Variants in ACADS observed in about 807,000 individuals in gnomAD.
The protein encoded by ACADS is acyl-CoA dehydrogenase short chain.
Under a neutral mutation model 46.8 loss-of-function variants are expected in ACADS, and 28 were observed. The ratio of observed to expected loss-of-function variants is 0.60; its 90% CI spans 0.44 to 0.82. The LOEUF is 0.82. ACADS is among the 40% of genes least tolerant of loss of function. The pLI, the probability that ACADS is intolerant of heterozygous loss-of-function variation, is 0.00. For missense variants in ACADS, 528 were observed against 578.0 expected (o/e 0.91, Z 0.89); for synonymous variants, 236 against 237.7 (o/e 0.99, Z 0.07).
chr12:120,732,071 A>G (rs564854315), intron 2 of ACADS, among the ~76,000 whole-genome samples: 19 of 152,326 alleles, frequency 1.2e-4, no homozygotes, highest in African/African-American at 3.8e-4. Context: ...CGATTTCTCA[A>G]TCTTTTCCCC....
Position 120,728,092 on chromosome 12 carries a change from G to A in ACADS, c.210+903G>A, listed in dbSNP as rs532584061. ...GCCCCCAGTAGCTGGGATTACAGGCGGGCACCACCACGCCCAGCTAGTTTT... is the reference window on the plus strand; with the variant it reads ...GCCCCCAGTAGCTGGGATTACAGGCAGGCACCACCACGCCCAGCTAGTTTT... On this transcript the variant is annotated intron_variant, in intron 2 of 9. Transcript: ENST00000242592. The surrounding 1 kb of genome is among the most constrained non-coding windows in gnomAD (Gnocchi z 4.0). Among the ~76,000 whole-genome samples the A allele has an allele frequency of 6.6e-5, 10 of 152,132 alleles. No homozygotes were observed. The highest frequency in any genetic ancestry group is 1.9e-4 in the East Asian group (1 of 5,160).
rs1883157784 is a variant in ACADS, at chr12:120,728,550, G to A, written c.210+1361G>A. On this transcript the variant is annotated intron_variant, in intron 2 of 9. Transcript: ENST00000242592. The surrounding 1 kb of genome is among the most constrained non-coding windows in gnomAD (Gnocchi z 4.0). ...TGAGACAGTCTTGCTCTGTCACCAGGTTGGAGTGCAGTGGCGCGATCTCGG... is the reference window on the plus strand; with the variant it reads ...TGAGACAGTCTTGCTCTGTCACCAGATTGGAGTGCAGTGGCGCGATCTCGG... Among the ~76,000 whole-genome samples, 5 of 151,222 alleles carry A rather than the reference G, an allele frequency of 3.3e-5. 1 individual carries two copies. In the South Asian group the frequency reaches 1.0e-3, roughly 32 times the overall value.
intron 6 of ACADS, 34 bp from the exon 7 acceptor site, chr12:120,738,499 G>A: frequency 6.2e-7 from 1 of 1,605,748 alleles, no homozygotes; most frequent in Non-Finnish European, 8.5e-7. Flanking sequence ...CCGCGCCCCG[G>A]CTGGCGGGCC....
Position 120,727,699 on chromosome 12 carries a change from G to A in ACADS, c.210+510G>A, listed in dbSNP as rs1014236017. Among the ~76,000 whole-genome samples the A allele has an allele frequency of 4.6e-5, 7 of 152,028 alleles. No homozygotes were observed. In the South Asian group the frequency reaches 1.0e-3, roughly 22 times the overall value. ...TTATAGGCGTGCACTGCTCTGCCCC[G>A]CTACTTTTGTATTTTTAGTAAAGAC... On this transcript the variant is annotated intron_variant, in intron 2 of 9. Coordinates refer to ENST00000242592, the MANE Select transcript of ACADS (RefSeq NM_000017.4).
At chr12:120,736,763 G>A (rs1224255675) in intron 2 of ACADS, among the ~76,000 whole-genome samples, 1 of 152,190 alleles carries the variant, frequency 6.6e-6, no homozygotes, top group Non-Finnish European at 1.5e-5. Context: ...GGGAGCAGGC[G>A]TGGAGGCGGG....
chr12:120,737,366 T>C lies in ACADS; in HGVS notation c.371T>C (p.Leu124Pro). Residue 124 changes from leucine to proline, a missense_variant, in exon 4 of 10, where the codon CTG (leucine) becomes CCG (proline). Coordinates refer to ENST00000242592, the MANE Select transcript of ACADS (RefSeq NM_000017.4). ...CCGCTGTCCTCCTAGTCTCTCTACC[T>C]GGGGCCCATCTTGAAGTTTGGCTCC... ...VIMSVNNSLY[L>P]GPILKFGSKE... 1 of 1,614,016 alleles carries C rather than the reference T, an allele frequency of 6.2e-7. No individual in the cohort carries two copies. Among genetic ancestry groups the C allele is most frequent in the Non-Finnish European group, 8.5e-7 (1 of 1,179,988 alleles).
chr12:120,738,127 C>T, intron 5 of ACADS, 139 bp downstream of exon 5: 2 of 1,567,578 alleles, frequency 1.3e-6, no homozygotes, highest in South Asian at 1.1e-5. Flanking sequence ...TCAGCTGCCA[C>T]TGAAGCCTGC....
At position 120,738,574 on chromosome 12, in the gene ACADS, C is replaced by T; in HGVS notation, c.837C>T (p.Ala279=). The change falls in exon 7 of 10, where the codon GCC becomes GCT. Residue 279 remains alanine (A), a synonymous_variant. Coordinates refer to ENST00000242592, the MANE Select transcript of ACADS (RefSeq NM_000017.4). ...GCCGCATCGGCATCGCCTCCCAGGC[C>T]CTGGGCATTGCCCAGACCGCCCTCG... ...DMGRIGIASQ[A]LGIAQTALDC... 1 of 1,612,510 alleles carries T rather than the reference C, an allele frequency of 6.2e-7. No homozygotes were observed. The highest frequency in any genetic ancestry group is 1.1e-5 in the South Asian group (1 of 91,092).
In ACADS at chr12:120,738,456, C is replaced by T. The variant is rs376682235; in HGVS notation, c.795+6C>T. 3.0e-5 allele frequency: 49 copies of T among 1,608,518 alleles called. No individual in the cohort carries two copies. In the African/African-American group the frequency reaches 6.1e-4, roughly 20 times the overall value. ...TGGGCTTCAAGATAGCCATGGTGAG[C>T]CCGGCAGTGGGGGTGGCACCTTGAG... On this transcript the variant is annotated splice_donor_region_variant and intron_variant, in intron 6 of 9. Coordinates refer to ENST00000242592, the MANE Select transcript of ACADS (RefSeq NM_000017.4).
At chr12:120,735,283 AAAAAAAG>A (rs1176546655) in intron 2 of ACADS, among the ~76,000 whole-genome samples, 1 of 143,302 alleles carries the variant, frequency 7.0e-6, no homozygotes, top group Non-Finnish European at 1.5e-5. Flanking sequence ...AAAAAAAAAA[AAAAAAAG>A]AAAAAAGAAA....
chr12:120,732,470 G>A (rs1036430767), intron 2 of ACADS, among the ~76,000 whole-genome samples: 15 of 151,604 alleles, frequency 9.9e-5, no homozygotes, highest in African/African-American at 3.6e-4. Flanking sequence ...CTTCTCAGAT[G>A]GGGTGGCTGC....
chr12:120,737,614 C>T lies in ACADS; in HGVS notation c.472+147C>T, dbSNP rs528859649. 1,572 of 1,050,922 alleles carry T rather than the reference C, an allele frequency of 1.5e-3. 14 individuals are homozygous for T. The Middle Eastern group carries it at 0.037, about 25-fold the overall frequency. 65.1% of individuals were successfully genotyped at this position (1,050,922 alleles called of 1,614,324 possible). On this transcript the variant is annotated intron_variant, in intron 4 of 9. Coordinates refer to ENST00000242592, the MANE Select transcript of ACADS (RefSeq NM_000017.4). Reference sequence around the variant, plus strand: ...AGGGTGAGCGCTCTTGCCACCGCGGCGCTGGGAGGAAGATTGCCTTCGGGG... The same window carrying T: ...AGGGTGAGCGCTCTTGCCACCGCGGTGCTGGGAGGAAGATTGCCTTCGGGG...
rs762150731 is a variant in ACADS at position 120,725,871 on chromosome 12, CTG to C, written c.-11_-10del. 1.9e-5 allele frequency: 29 copies of C among 1,547,078 alleles called. No homozygotes were observed. The highest frequency in any genetic ancestry group is 5.2e-6 in the Non-Finnish European group (6 of 1,155,012). ...CAGCGGGAGGTCGCGAAGCCTGGGA[CTG>C]TGTCTGTCGCCCATGGCCGCCGCGC... On this transcript the variant is annotated 5_prime_UTR_variant, in exon 1 of 10. Transcript: ENST00000242592.
chr12:120,735,601 G>C (rs1442874504), intron 2 of ACADS, among the ~76,000 whole-genome samples: 1 of 151,530 alleles, frequency 6.6e-6, no homozygotes, highest in African/African-American at 2.4e-5. Context: ...AGTCATGGTA[G>C]TATAAGAACA....
At chr12:120,726,955 G>A (rs1228438653) in intron 1 of ACADS, 71 bp from the exon 2 acceptor site, 2 of 1,571,590 alleles carry the variant, frequency 1.3e-6, no homozygotes, top group East Asian at 4.5e-5. Context: ...TCCCTGGTGA[G>A]TTAGTGGGTC....
intron 2 of ACADS, among the ~76,000 whole-genome samples, chr12:120,729,258 CTTTTT>C (rs137894149): frequency 8.1e-6 from 1 of 123,096 alleles, no homozygotes; most frequent in Non-Finnish European, 1.6e-5. Context: ...TTTCTTTTTT[CTTTTT>C]TTTTTTTTTT....
chr12:120,737,481 C>A lies in ACADS; in HGVS notation c.472+14C>A. On this transcript the variant is annotated intron_variant, in intron 4 of 9. Transcript: ENST00000242592. ...TCAGCGAACCAGGTACCTGCCCTGT[C>A]CCCTCACCTGTCCTTAGGGTGACAG... The A allele has an allele frequency of 6.2e-6, 10 of 1,604,034 alleles. No homozygotes were observed. Among genetic ancestry groups the A allele is most frequent in the Non-Finnish European group, 8.5e-6 (10 of 1,171,206 alleles).
chr12:120,737,743 C>T (rs1033957029), intron 4 of ACADS, 94 bp from the exon 5 acceptor site: 26 of 1,563,146 alleles, frequency 1.7e-5, no homozygotes, highest in Admixed American at 3.4e-5. Flanking sequence ...CATAGGGTTT[C>T]GTGTCTGCCA....
chr12:120,738,107 C>T, intron 5 of ACADS, 119 bp downstream of exon 5: 1 of 1,572,674 alleles, frequency 6.4e-7, no homozygotes, highest in Non-Finnish European at 8.6e-7. Flanking sequence ...TGGGCTGTCC[C>T]TGTCCCTCCT....
Sources: allele counts gnomAD v4.1 joint callset (sites outside exome capture counted in the v4.1 genomes callset), GRCh38; gene constraint gnomAD v4.1.1; non-coding constraint Gnocchi (gnomAD v3.1); transcripts MANE v1.5; gene names NCBI Gene and HGNC (gene_info 2026-07-23, HGNC 2026-07-21).